The following TTC8 variants were observed in gnomAD, a reference collection of about 807,000 sequenced individuals.
The protein encoded by TTC8 is tetratricopeptide repeat protein 8.
In TTC8, 47 loss-of-function variants were observed where a neutral mutation model predicts 72.5. The observed-to-expected ratio is 0.65, with a 90% CI of 0.51 to 0.83. The LOEUF is 0.83. Among genes scored for constraint, TTC8 ranks in the 40% least tolerant of loss-of-function variants. TTC8 has a pLI of 0.00. For synonymous variants in TTC8, 199 were observed against 221.4 expected (o/e 0.90, Z 0.90); for missense variants, 611 against 623.2 (o/e 0.98, Z 0.21).
At chr14:88,873,443 T>C (rs994682477) in intron 13 of TTC8, among the ~76,000 whole-genome samples, 2 of 152,208 alleles carry the variant, frequency 1.3e-5, no homozygotes, top group African/African-American at 4.8e-5. Flanking sequence ...TTTACCACTT[T>C]ATCAGATATT....
At chr14:88,847,369 GAA>G (rs1489824467) in intron 7 of TTC8, among the ~76,000 whole-genome samples, 1 of 152,122 alleles carries the variant, frequency 6.6e-6, no homozygotes, top group Non-Finnish European at 1.5e-5. Context: ...ATCAGCAAAT[GAA>G]GAGAAAAGAG....
At position 88,871,485 on chromosome 14, in the gene TTC8, A is replaced by T; in HGVS notation, c.1050-64A>T. ...ATTTTTAACTGTGTAAAATATATAT[A>T]TATATGTCTTAAAACTTACAAAGTT... is the stretch of plus-strand genomic sequence containing the variant. On this transcript the variant is annotated intron_variant, in intron 11 of 14. Transcript: ENST00000380656. This position sits in a 1 kb window ranked among gnomAD's most constrained non-coding sequence, Gnocchi z 4.1. 7.4e-7 allele frequency: 1 copy of T among 1,355,286 alleles called. No individual in the cohort carries two copies. Among genetic ancestry groups the T allele is most frequent in the Non-Finnish European group, 1.0e-6 (1 of 966,478 alleles). The allele number at this position is 1,355,286 out of a possible 1,614,324, so 84.0% of individuals were successfully genotyped here. A position where few individuals can be genotyped will look rare whatever the true frequency, so the allele number is the denominator to read the frequency against.
intron 7 of TTC8, among the ~76,000 whole-genome samples, chr14:88,848,355 G>T: frequency 6.6e-6 from 1 of 152,038 alleles, no homozygotes; most frequent in Non-Finnish European, 1.5e-5. Context: ...ACAGTTAGTT[G>T]TCATACATTA....
intron 10 of TTC8, 46 bp from the exon 11 acceptor site, chr14:88,870,013 G>T (rs1049433334): frequency 6.2e-7 from 1 of 1,602,052 alleles, no homozygotes; most frequent in Non-Finnish European, 8.5e-7. Context: ...ATAATTTTTT[G>T]TCCAATATTA....
Position 88,874,831 on chromosome 14 carries a change from C to A in TTC8, c.1348-195C>A, listed in dbSNP as rs183778439. ...GCATTTATTATTAACATAATTTTGGCAAGGTATCAGTAGTTAATTGTATTT... is the reference window on the plus strand; with the variant it reads ...GCATTTATTATTAACATAATTTTGGAAAGGTATCAGTAGTTAATTGTATTT... On this transcript the variant is annotated intron_variant, in intron 13 of 14. Transcript: ENST00000380656. 4.5e-4 allele frequency among the ~76,000 whole-genome samples: 68 copies of A among 151,860 alleles called. 1 individual carries two copies. The East Asian group carries it at 0.013, about 29-fold the overall frequency.
chr14:88,874,969 G>T (rs72697970), intron 13 of TTC8, 57 bp from the exon 14 acceptor site: 1 of 1,315,150 alleles, frequency 7.6e-7, no homozygotes. Context: ...ACACAAATAT[G>T]GTGCTGATAT....
chr14:88,862,572 A>T (rs1466343456), intron 10 of TTC8, among the ~76,000 whole-genome samples: 1 of 64,946 alleles, frequency 1.5e-5, no homozygotes, highest in African/African-American at 6.7e-5. Context: ...ATATATATAT[A>T]TATATATATA....
intron 9 of TTC8, among the ~76,000 whole-genome samples, chr14:88,859,440 C>G (rs1241459973): frequency 6.6e-6 from 1 of 152,140 alleles, no homozygotes; most frequent in East Asian, 1.9e-4. Context: ...ACCTCATGTT[C>G]TCACTATAAG....
chr14:88,829,133 G>A (rs1253945758), intron 1 of TTC8, among the ~76,000 whole-genome samples: 4 of 152,140 alleles, frequency 2.6e-5, no homozygotes, highest in Admixed American at 6.5e-5. Flanking sequence ...GCCGGGGTCT[G>A]TAAGCATGAA....
intron 1 of TTC8, among the ~76,000 whole-genome samples, chr14:88,828,463 A>T (rs1213029646): frequency 6.6e-6 from 1 of 152,198 alleles, no homozygotes; most frequent in East Asian, 1.9e-4. Context: ...TTTCCTCTAT[A>T]ACTATTTGAA....
At chr14:88,842,944 T>A (rs1437532031) in intron 6 of TTC8, among the ~76,000 whole-genome samples, 4 of 137,312 alleles carry the variant, frequency 2.9e-5, no homozygotes, top group African/African-American at 1.0e-4. Context: ...AGGATTGTTA[T>A]AGGTTTGTTT....
intron 1 of TTC8, among the ~76,000 whole-genome samples, chr14:88,826,778 A>G (rs1243985034): frequency 6.6e-6 from 1 of 152,156 alleles, no homozygotes; most frequent in Non-Finnish European, 1.5e-5. Flanking sequence ...TTTATGTGCC[A>G]TTTTAATTTT....
chr14:88,839,252 A>T (rs1308275605), intron 2 of TTC8, among the ~76,000 whole-genome samples, 200 bp from the exon 3 acceptor site: 1 of 152,072 alleles, frequency 6.6e-6, no homozygotes, highest in African/African-American at 2.4e-5. Flanking sequence ...TGTAATTGAT[A>T]CATTGGTTGT....
At chr14:88,874,443 T>G (rs1335318470) in intron 13 of TTC8, among the ~76,000 whole-genome samples, 1 of 152,032 alleles carries the variant, frequency 6.6e-6, no homozygotes, top group Non-Finnish European at 1.5e-5. Context: ...AAAAAAAATG[T>G]GAATGTTATA....
intron 13 of TTC8, among the ~76,000 whole-genome samples, chr14:88,873,580 T>G (rs559728993): frequency 6.6e-5 from 10 of 152,296 alleles, no homozygotes; most frequent in African/African-American, 2.2e-4. Flanking sequence ...AGTCAATATT[T>G]GTGGAATGAA....
At chr14:88,837,102 G>A (rs1046336016) in intron 2 of TTC8, 5 of 233,676 alleles carry the variant, frequency 2.1e-5, no homozygotes, top group Non-Finnish European at 4.3e-5. Flanking sequence ...CTTGATTTAG[G>A]TAGGACTCCA....
At chr14:88,878,358 A>G (rs2094964805), downstream of TTC8, 1 of 152,106 alleles carries the variant, frequency 6.6e-6, no homozygotes, top group Non-Finnish European at 1.5e-5. Flanking sequence ...GGACAGGACC[A>G]CTCAAACTCA....
At chr14:88,846,760 G>A (rs2094808719) in intron 7 of TTC8, 3 of 748,904 alleles carry the variant, frequency 4.0e-6, no homozygotes, top group Non-Finnish European at 6.0e-6. Context: ...TATTATGTTA[G>A]TATCATAGTT....
downstream of TTC8, chr14:88,878,967 G>A (rs1260571135): frequency 6.6e-6 from 1 of 152,180 alleles, no homozygotes; most frequent in African/African-American, 2.4e-5. Context: ...TCTTGAGTGT[G>A]TGCTCTTAAT....
Sources: gnomAD v4.1 joint callset for allele counts (sites outside exome capture counted in the v4.1 genomes callset) on GRCh38, gnomAD v4.1.1 for gene constraint, Gnocchi (gnomAD v3.1) non-coding constraint, MANE v1.5 for transcripts, NCBI Gene and HGNC (gene_info 2026-07-23, HGNC 2026-07-21) for gene names.